The following STAM variants were observed in gnomAD, a reference collection of about 807,000 sequenced individuals.
The protein encoded by STAM is signal transducing adaptor molecule, also known as signal transducing adapter molecule 1.
In STAM, 16 loss-of-function variants were observed where a neutral mutation model predicts 63.4. The observed-to-expected ratio is 0.25, with a 90% CI of 0.17 to 0.38. The LOEUF is 0.38. STAM is among the 10% of genes least tolerant of loss of function. STAM has a pLI of 1.00. For synonymous variants in STAM, 238 were observed against 223.9 expected, an observed-to-expected ratio of 1.06 and a Z score of -0.56; for missense variants, 636 against 657.1, an observed-to-expected ratio of 0.97 and a Z score of 0.35.
chr10:17,699,722 T>C (rs1354248041), intron 8 of STAM, among the ~76,000 whole-genome samples: 1 of 152,244 alleles, frequency 6.6e-6, no homozygotes, highest in African/African-American at 2.4e-5. Flanking sequence ...ATAGCTGATT[T>C]TCCCATTCAT....
intron 13 of STAM, among the ~76,000 whole-genome samples, chr10:17,711,740 G>C (rs146222635): frequency 6.6e-6 from 1 of 152,160 alleles, no homozygotes; most frequent in South Asian, 2.1e-4. Context: ...GGTTGAAAGC[G>C]TGTAGGGGAG....
At chr10:17,701,834 C>T (rs1440964541) in intron 9 of STAM, among the ~76,000 whole-genome samples, 3 of 152,068 alleles carry the variant, frequency 2.0e-5, no homozygotes, top group Non-Finnish European at 4.4e-5. Context: ...TAAGAATTAC[C>T]AGGGATGATT....
chr10:17,705,822 A>G (rs1836238998), intron 12 of STAM, 81 bp downstream of exon 12: 3 of 1,385,820 alleles, frequency 2.2e-6, no homozygotes, highest in African/African-American at 1.5e-5. Flanking sequence ...AATCTCAGCA[A>G]TTTGGGAGGC....
intron 2 of STAM, among the ~76,000 whole-genome samples, chr10:17,675,966 A>G (rs1589057845): frequency 6.6e-6 from 1 of 152,220 alleles, no homozygotes; most frequent in African/African-American, 2.4e-5. Flanking sequence ...AACACGATGA[A>G]TGGGCAAAAA....
intron 1 of STAM, among the ~76,000 whole-genome samples, chr10:17,655,539 A>G (rs1833904559): frequency 6.6e-6 from 1 of 152,238 alleles, no homozygotes; most frequent in Non-Finnish European, 1.5e-5. Flanking sequence ...CAGGTATTAT[A>G]CACCTGTAAA....
intron 5 of STAM, 22 bp from the exon 6 acceptor site, chr10:17,693,200 C>T: frequency 6.2e-7 from 1 of 1,608,380 alleles, no homozygotes; most frequent in Non-Finnish European, 8.5e-7. Flanking sequence ...CCCTCAAATA[C>T]TGTGTTCCTC....
chr10:17,645,853 C>T lies in STAM; in HGVS notation c.40+1474C>T, dbSNP rs990389755. 7.9e-5 allele frequency among the ~76,000 whole-genome samples: 12 copies of T among 152,056 alleles called. No individual in the cohort carries two copies. The East Asian group carries it at 1.5e-3, about 20-fold the overall frequency. ...ACTACATGAATCTCTAGGGGAAATACTTAAAACAGCTTCTTAATACTTGCT... is the reference window on the plus strand; with the variant it reads ...ACTACATGAATCTCTAGGGGAAATATTTAAAACAGCTTCTTAATACTTGCT... On this transcript the variant is annotated intron_variant, in intron 1 of 13. Coordinates refer to ENST00000377524, the MANE Select transcript of STAM (RefSeq NM_003473.4).
At chr10:17,661,995 C>T (rs10904982) in intron 2 of STAM, among the ~76,000 whole-genome samples, 21,352 of 151,930 alleles carry the variant, frequency 0.14, 1,766 homozygotes, top group East Asian at 0.26. Flanking sequence ...TTACATATCG[C>T]GTTCCCTTTT....
chr10:17,714,318 C>CG (rs1554830423), intron 13 of STAM, among the ~76,000 whole-genome samples: 1 of 152,032 alleles, frequency 6.6e-6, no homozygotes, highest in African/African-American at 2.4e-5. Context: ...AACCACCCCC[C>CG]CCAACTTTTT....
chr10:17,684,985 A>G, intron 4 of STAM, 58 bp downstream of exon 4: 1 of 1,410,844 alleles, frequency 7.1e-7, no homozygotes, highest in East Asian at 2.3e-5. Context: ...CACATATTTT[A>G]TTGTTTAAAT....
intron 1 of STAM, among the ~76,000 whole-genome samples, chr10:17,655,214 T>C (rs1357759416): frequency 6.6e-6 from 1 of 152,202 alleles, no homozygotes; most frequent in Non-Finnish European, 1.5e-5. Flanking sequence ...AAGCTACTTC[T>C]GGTAGGGTAT....
intron 12 of STAM, among the ~76,000 whole-genome samples, chr10:17,706,062 T>C (rs1275830522): frequency 1.3e-5 from 2 of 152,066 alleles, no homozygotes; most frequent in Non-Finnish European, 2.9e-5. Flanking sequence ...CGACACCCTG[T>C]CTCTAAAATA....
chr10:17,697,412 A>G (rs113147728), intron 8 of STAM, among the ~76,000 whole-genome samples: 128 of 152,350 alleles, frequency 8.4e-4, no homozygotes, highest in African/African-American at 2.9e-3. Context: ...TCTAGTGTGT[A>G]GTCCCAGACT....
chr10:17,696,969 G>C, intron 8 of STAM, 100 bp downstream of exon 8: 3 of 894,580 alleles, frequency 3.4e-6, no homozygotes, highest in Non-Finnish European at 5.3e-6. Flanking sequence ...GCCCAGGCTG[G>C]AGTGCAGTGG....
At chr10:17,689,663 T>A (rs988679526) in intron 5 of STAM, among the ~76,000 whole-genome samples, 13 of 152,196 alleles carry the variant, frequency 8.5e-5, no homozygotes, top group Non-Finnish European at 4.4e-5. Flanking sequence ...TGTTTATTTA[T>A]CAAAGAGTAG....
chr10:17,655,880 C>T lies in STAM; in HGVS notation c.41-4584C>T, dbSNP rs34802486. On this transcript the variant is annotated intron_variant, in intron 1 of 13. Coordinates refer to ENST00000377524, the MANE Select transcript of STAM (RefSeq NM_003473.4). ...TGTTCCAGTCAAGACTGGTTACCCT[C>T]TGCTTCTGTACAGCTGTTGTTTTGA... Among the ~76,000 whole-genome samples, 805 of 152,312 alleles carry T rather than the reference C, an allele frequency of 5.3e-3. 3 individuals are homozygous for T. The highest frequency in any genetic ancestry group is 8.5e-3 in the Non-Finnish European group (579 of 68,024).
intron 13 of STAM, among the ~76,000 whole-genome samples, chr10:17,713,636 A>T (rs1836662531): frequency 6.6e-6 from 1 of 152,016 alleles, no homozygotes. Flanking sequence ...TCTGTTCATT[A>T]TCATATTTTG....
chr10:17,657,948 T>C (rs1167759141), intron 1 of STAM, among the ~76,000 whole-genome samples: 2 of 152,062 alleles, frequency 1.3e-5, no homozygotes, highest in African/African-American at 2.4e-5. Flanking sequence ...TCTGTATTGG[T>C]CTTATGTTCA....
intron 8 of STAM, among the ~76,000 whole-genome samples, chr10:17,699,768 A>AT (rs568977909): frequency 8.7e-5 from 13 of 150,270 alleles, no homozygotes; most frequent in East Asian, 1.9e-4. Context: ...GTCAAACCAG[A>AT]TTTTTTTTTT....
Sources: gnomAD v4.1 joint callset for allele counts (sites outside exome capture counted in the v4.1 genomes callset) on GRCh38, gnomAD v4.1.1 for gene constraint, MANE v1.5 for transcripts, NCBI Gene and HGNC (gene_info 2026-07-23, HGNC 2026-07-21) for gene names.